Variants in FGF13 observed in about 807,000 individuals in gnomAD.
FGF13 encodes fibroblast growth factor homologous factor 2.
A neutral mutation model predicts 19.5 loss-of-function variants in FGF13; 2 were observed. The observed-to-expected ratio is 0.10, with a 90% confidence interval of 0.04 to 0.32. The LOEUF (loss-of-function observed/expected upper bound fraction) is 0.32, where lower values mean the gene tolerates loss of function less well. Ranked by LOEUF, FGF13 falls within the 10% of genes least tolerant of loss-of-function variation. The probability of loss-of-function intolerance (pLI) is 1.00; values close to 1 mark genes in which losing one functional copy is unlikely to be tolerated. For missense variants in FGF13, 113 were observed against 192.7 expected (o/e 0.59, Z 2.45); for synonymous variants, 72 against 76.9 (o/e 0.94, Z 0.33).
At chrX:138,993,658 A>ATGGT (rs1250488666) in intron 1 of FGF13, among the ~76,000 whole-genome samples, 4 of 111,677 alleles carry the variant, frequency 3.6e-5, no homozygotes, top group Non-Finnish European at 7.5e-5. Flanking sequence ...AAAATAACAG[A>ATGGT]TACATAGGAA....
chrX:139,189,176 A>T (rs2084304525), intron 1 of FGF13, among the ~76,000 whole-genome samples: 3 of 111,072 alleles, frequency 2.7e-5, no homozygotes, highest in Non-Finnish European at 5.7e-5. Context: ...CAAACTTGCA[A>T]GTCATTTGGA....
chrX:138,963,847 A>G (rs942894842), intron 1 of FGF13, among the ~76,000 whole-genome samples: 1 of 112,053 alleles, frequency 8.9e-6, no homozygotes, highest in African/African-American at 3.2e-5. Context: ...CTATTCTACT[A>G]TCTAATAGCT....
rs2089062721 is a variant in FGF13, at chrX:138,626,247, G to A, written c.*6603C>T. ...CCCAGACATCACTTGCATACCAGGG[G>A]CTCTGCCCCTCATTGTCCAGCTACA... On this transcript the variant is annotated 3_prime_UTR_variant, in exon 5 of 5. Coordinates refer to ENST00000315930, the MANE Select transcript of FGF13 (RefSeq NM_004114.5). The A allele has an allele frequency of 8.9e-6, 1 of 111,827 alleles. No homozygotes were observed. The highest frequency in any genetic ancestry group is 3.7e-4 in the South Asian group (1 of 2,681). The allele number at this position is 111,827 out of a possible 1,213,427, so 9.2% of individuals were successfully genotyped here.
chrX:138,883,364 A>G (rs1483930493), intron 1 of FGF13, among the ~76,000 whole-genome samples: 1 of 111,543 alleles, frequency 9.0e-6, no homozygotes, highest in Non-Finnish European at 1.9e-5. Flanking sequence ...AGTACATGTG[A>G]TCCTACCTCA....
chrX:138,615,568 C>A lies in FGF13; in HGVS notation c.*17282G>T, dbSNP rs1387641090. 9.2e-6 allele frequency: 1 copy of A among 109,161 alleles called. No homozygotes were observed. Among genetic ancestry groups the A allele is most frequent in the Non-Finnish European group, 1.9e-5 (1 of 52,538 alleles). 9.0% of individuals were successfully genotyped at this position (109,161 alleles called of 1,213,427 possible). ...GGACCCACTTGAGTGTACATCATGG[C>A]AGGAAAAAAAAATTGTTTCAGATGT... On this transcript the variant is annotated 3_prime_UTR_variant, in exon 5 of 5. Coordinates refer to ENST00000315930, the MANE Select transcript of FGF13 (RefSeq NM_004114.5).
chrX:139,084,561 G>A (rs1303469324), intron 1 of FGF13, among the ~76,000 whole-genome samples: 2 of 111,450 alleles, frequency 1.8e-5, no homozygotes, highest in African/African-American at 3.3e-5. Context: ...AAGGCCAACC[G>A]GGACACAGTT....
At chrX:138,900,305 A>T (rs897973483) in intron 1 of FGF13, among the ~76,000 whole-genome samples, 7 of 110,093 alleles carry the variant, frequency 6.4e-5, no homozygotes, top group African/African-American at 2.3e-4. Flanking sequence ...CAGTATCTCC[A>T]TTCTCATCCC....
At chrX:138,807,593 A>G (rs1819940103) in intron 3 of FGF13, among the ~76,000 whole-genome samples, 1 of 111,929 alleles carries the variant, frequency 8.9e-6, no homozygotes, top group Non-Finnish European at 1.9e-5. Flanking sequence ...ACACATAACA[A>G]TATTAACATT....
In FGF13 at chrX:138,954,246, C is replaced by T. The variant is rs142943348; in HGVS notation, c.-112-89596G>A. Among the ~76,000 whole-genome samples, 356 of 111,464 alleles carry T rather than the reference C, an allele frequency of 3.2e-3. 1 individual carries two copies. The highest frequency in any genetic ancestry group is 0.011 in the African/African-American group (330 of 30,733). On this transcript the variant is annotated intron_variant, in intron 1 of 2. Coordinates refer to the FGF13 transcript ENST00000421460. The stretch of plus-strand genomic sequence containing the variant: ...TACTGAGTCTCTGTTGTATGACAAA[C>T]GCTGTTCTTATTGCTGAGGATACAG...
chrX:138,787,462 T>C (rs996140568), intron 3 of FGF13, among the ~76,000 whole-genome samples: 1 of 112,400 alleles, frequency 8.9e-6, no homozygotes, highest in Non-Finnish European at 1.9e-5. Context: ...GTCTTCTGCA[T>C]TGCAAAGAGC....
At chrX:138,821,370 T>C (rs897252763) in intron 3 of FGF13, among the ~76,000 whole-genome samples, 2 of 111,974 alleles carry the variant, frequency 1.8e-5, no homozygotes, top group Non-Finnish European at 3.8e-5. Flanking sequence ...CAAAAACCTG[T>C]ACGTGGTTCA....
intron 1 of FGF13, among the ~76,000 whole-genome samples, chrX:139,050,286 G>C (rs2092299975): frequency 9.0e-6 from 1 of 111,370 alleles, no homozygotes; most frequent in Admixed American, 9.5e-5. Context: ...CTTAATCAGG[G>C]GCTTCATCCA....
intron 3 of FGF13, among the ~76,000 whole-genome samples, chrX:138,699,069 C>G (rs2089922702): frequency 9.0e-6 from 1 of 111,677 alleles, no homozygotes; most frequent in Non-Finnish European, 1.9e-5. Flanking sequence ...CCTGTGGTTA[C>G]CCCCATACCT....
chrX:138,813,515 G>A (rs187833685), intron 3 of FGF13, among the ~76,000 whole-genome samples: 24 of 111,784 alleles, frequency 2.1e-4, no homozygotes, highest in Non-Finnish European at 4.0e-4. Context: ...GCTGCTTCTT[G>A]ATCCACCCTC....
intron 1 of FGF13, among the ~76,000 whole-genome samples, chrX:139,114,126 G>A (rs761038711): frequency 1.8e-5 from 2 of 111,866 alleles, no homozygotes; most frequent in South Asian, 7.5e-4. Flanking sequence ...AAGGGAATGG[G>A]AAAATTCAAG....
At chrX:139,152,636 T>C (rs1044563062) in intron 1 of FGF13, among the ~76,000 whole-genome samples, 3 of 111,036 alleles carry the variant, frequency 2.7e-5, no homozygotes, top group Non-Finnish European at 5.7e-5. Context: ...GCCTACTCCA[T>C]GCCCAGAAAC....
intron 1 of FGF13, among the ~76,000 whole-genome samples, chrX:138,985,373 G>C (rs1334048459): frequency 2.7e-5 from 3 of 112,131 alleles, no homozygotes; most frequent in Non-Finnish European, 5.6e-5. Flanking sequence ...CAAGTCAGCT[G>C]TCTCTATCTA....
intron 3 of FGF13, chrX:138,806,271 G>A (rs1424942839): frequency 8.9e-6 from 1 of 111,847 alleles, no homozygotes; most frequent in Non-Finnish European, 1.9e-5. Flanking sequence ...CCAACTTATT[G>A]AAAGACTTTA....
At chrX:138,938,221 C>A (rs918862798) in intron 1 of FGF13, among the ~76,000 whole-genome samples, 1 of 111,575 alleles carries the variant, frequency 9.0e-6, no homozygotes, top group South Asian at 3.8e-4. Context: ...GGAGACCAAA[C>A]GGATGTGAAA....
Sources: allele counts gnomAD v4.1 joint callset (sites outside exome capture counted in the v4.1 genomes callset), GRCh38; gene constraint gnomAD v4.1.1; transcripts MANE v1.5; gene names NCBI Gene and HGNC (gene_info 2026-07-23, HGNC 2026-07-21).